The following PRIMA1 variants were observed in gnomAD, a reference collection of about 807,000 sequenced individuals.
PRIMA1 encodes proline-rich membrane anchor 1.
A neutral mutation model predicts 17.5 loss-of-function variants in PRIMA1; 7 were observed. That is an observed-to-expected ratio of 0.40 (90% confidence interval 0.23 to 0.75). PRIMA1 has a LOEUF of 0.75. Among genes scored for constraint, PRIMA1 ranks in the 30% least tolerant of loss-of-function variants. The probability of loss-of-function intolerance (pLI) is 0.37; values close to 1 mark genes in which losing one functional copy is unlikely to be tolerated. For synonymous variants in PRIMA1, 97 were observed against 77.9 expected (o/e 1.25, Z -1.29); for missense variants, 200 against 201.8 (o/e 0.99, Z 0.05).
intron 4 of PRIMA1, among the ~76,000 whole-genome samples, chr14:93,736,380 C>T (rs572104904): frequency 2.0e-5 from 3 of 152,328 alleles, no homozygotes; most frequent in Admixed American, 6.5e-5. Context: ...ACTAAGAGAA[C>T]GTTGGTGAGG....
At chr14:93,751,679 T>A (rs1017342297) in intron 3 of PRIMA1, among the ~76,000 whole-genome samples, 2 of 152,204 alleles carry the variant, frequency 1.3e-5, no homozygotes, top group African/African-American at 4.8e-5. Flanking sequence ...TAAGAATGAT[T>A]TGAGTCCAAG....
rs1455708995 is a variant in PRIMA1, at chr14:93,726,862, TAC to T, written c.360-5318_360-5317del. Among the ~76,000 whole-genome samples the T allele has an allele frequency of 6.6e-6, 1 of 152,056 alleles. No individual in the cohort carries two copies. The highest frequency in any genetic ancestry group is 1.5e-5 in the Non-Finnish European group (1 of 68,000). Reference sequence around the variant, plus strand: ...ATGTCCCTACACACATATGCACACATACACATATGTGCACATGCATGCACACA... The same window carrying T: ...ATGTCCCTACACACATATGCACACATACATATGTGCACATGCATGCACACA... On this transcript the variant is annotated intron_variant, in intron 4 of 4. Transcript: ENST00000393140. The surrounding 1 kb of genome is among the most constrained non-coding windows in gnomAD (Gnocchi z 4.2).
chr14:93,726,793 T>C lies in PRIMA1; in HGVS notation c.360-5247A>G, dbSNP rs746885901. ...TCCACACACACAAACAATATACACA[T>C]ACACACATGTACTTCAACACACACA... On this transcript the variant is annotated intron_variant, in intron 4 of 4. Coordinates refer to ENST00000393140, the MANE Select transcript of PRIMA1 (RefSeq NM_178013.4). The surrounding 1 kb of genome is among the most constrained non-coding windows in gnomAD (Gnocchi z 4.2). Among the ~76,000 whole-genome samples the C allele has an allele frequency of 2.0e-5, 3 of 151,822 alleles. No individual in the cohort carries two copies. The highest frequency in any genetic ancestry group is 4.4e-5 in the Non-Finnish European group (3 of 67,970).
At chr14:93,723,953 C>T (rs1217212305) in intron 4 of PRIMA1, among the ~76,000 whole-genome samples, 1 of 152,192 alleles carries the variant, frequency 6.6e-6, no homozygotes, top group Non-Finnish European at 1.5e-5. Flanking sequence ...GGCAACATCA[C>T]AGCTCACTGC....
At position 93,721,273 on chromosome 14, in the gene PRIMA1, C is replaced by T. The variant is rs1166180579; in HGVS notation, c.*171G>A. On this transcript the variant is annotated 3_prime_UTR_variant, in exon 5 of 5. Transcript: ENST00000393140. ...TGTCCGAGCTGCCTGGGCCCGCAGG[C>T]TGACCAGGGGCAAGCCTGGGAAGAC... 1 of 579,414 alleles carries T rather than the reference C, an allele frequency of 1.7e-6. No individual in the cohort carries two copies. The highest frequency in any genetic ancestry group is 1.9e-5 in the African/African-American group (1 of 53,220). The allele number at this position is 579,414 out of a possible 1,614,324, so 35.9% of individuals were successfully genotyped here. A position where few individuals can be genotyped will look rare whatever the true frequency, so the allele number is the denominator to read the frequency against.
At chr14:93,747,952 A>AGT (rs200404621) in intron 3 of PRIMA1, among the ~76,000 whole-genome samples, 15 of 133,238 alleles carry the variant, frequency 1.1e-4, no homozygotes, top group South Asian at 9.8e-4. Context: ...TGTGTGTATG[A>AGT]GTGTGTGTGT....
At chr14:93,722,728 ATGGT>A (rs1395284715) in intron 4 of PRIMA1, among the ~76,000 whole-genome samples, 6 of 1,106 alleles carry the variant, frequency 5.4e-3, no homozygotes. Context: ...AATGGTTGTG[ATGGT>A]TGGGTTAACA....
At position 93,721,983 on chromosome 14, in the gene PRIMA1, C is replaced by G. The variant is rs565122119; in HGVS notation, c.360-437G>C. On this transcript the variant is annotated intron_variant, in intron 4 of 4. Transcript: ENST00000393140. ...TCCTCAGTGTGGGCAAAGGCAAATTCAAAATGTGATGAAGCAGATGGTGCT... is the reference window on the plus strand; with the variant it reads ...TCCTCAGTGTGGGCAAAGGCAAATTGAAAATGTGATGAAGCAGATGGTGCT... Among the ~76,000 whole-genome samples, 275 of 152,302 alleles carry G rather than the reference C, an allele frequency of 1.8e-3. 1 individual carries two copies. Among genetic ancestry groups the G allele is most frequent in the African/African-American group, 6.4e-3 (265 of 41,558 alleles).
At chr14:93,740,128 A>G (rs2076176015) in intron 3 of PRIMA1, among the ~76,000 whole-genome samples, 2 of 152,204 alleles carry the variant, frequency 1.3e-5, no homozygotes, top group Non-Finnish European at 2.9e-5. Context: ...GATGGCTGAT[A>G]GGAGGATGCC....
rs900445441 is a variant in PRIMA1, at chr14:93,726,772, C to T, written c.360-5226G>A. Among the ~76,000 whole-genome samples, 1 of 151,906 alleles carries T rather than the reference C, an allele frequency of 6.6e-6. No individual in the cohort carries two copies. The highest frequency in any genetic ancestry group is 2.4e-5 in the African/African-American group (1 of 41,382). ...ACATACGCATAAATGTACAAATCCA[C>T]ACACACAAACAATATACACATACAC... On this transcript the variant is annotated intron_variant, in intron 4 of 4. Transcript: ENST00000393140. The surrounding 1 kb of genome is among the most constrained non-coding windows in gnomAD (Gnocchi z 4.2).
intron 4 of PRIMA1, among the ~76,000 whole-genome samples, chr14:93,727,451 C>G (rs906632928): frequency 8.5e-5 from 13 of 152,312 alleles, no homozygotes; most frequent in African/African-American, 3.1e-4. Flanking sequence ...GCTCAGGCCT[C>G]GGTGACTGTC....
At chr14:93,743,603 C>T (rs1380504432) in intron 3 of PRIMA1, among the ~76,000 whole-genome samples, 1 of 152,268 alleles carries the variant, frequency 6.6e-6, no homozygotes, top group African/African-American at 2.4e-5. Context: ...GGTGAATGTG[C>T]TTCCCAAGAC....
intron 4 of PRIMA1, among the ~76,000 whole-genome samples, chr14:93,735,964 C>T (rs1448339604): frequency 6.6e-6 from 1 of 152,222 alleles, no homozygotes; most frequent in Non-Finnish European, 1.5e-5. Flanking sequence ...GCCGGGATTA[C>T]AGGCGTGAGC....
chr14:93,733,222 C>T (rs1196632052), intron 4 of PRIMA1, among the ~76,000 whole-genome samples: 1 of 152,334 alleles, frequency 6.6e-6, no homozygotes, highest in African/African-American at 2.4e-5. Flanking sequence ...TTTAAGAAAC[C>T]TCCCACCCCA....
rs189925903 is a variant in PRIMA1 at position 93,740,687 on chromosome 14, A to C, written c.230-3317T>G. On this transcript the variant is annotated intron_variant, in intron 3 of 4. Coordinates refer to ENST00000393140, the MANE Select transcript of PRIMA1 (RefSeq NM_178013.4). ...TGTGTGGTCTCAGCCAGGGGCTGCC[A>C]CACCCCCTCCAGTAAGCACTTGGAA... 1.3e-3 allele frequency among the ~76,000 whole-genome samples: 203 copies of C among 152,260 alleles called. 2 individuals carry two copies. The highest frequency in any genetic ancestry group is 1.8e-4 in the Non-Finnish European group (12 of 68,020).
intron 3 of PRIMA1, among the ~76,000 whole-genome samples, chr14:93,777,019 TAAG>T (rs760232221): frequency 1.5e-4 from 23 of 152,218 alleles, no homozygotes; most frequent in Non-Finnish European, 2.8e-4. Context: ...TTTGTAAAGT[TAAG>T]GAGATTAATT....
chr14:93,726,563 TAC>T lies in PRIMA1; in HGVS notation c.360-5019_360-5018del, dbSNP rs753778906. On this transcript the variant is annotated intron_variant, in intron 4 of 4. Transcript: ENST00000393140. The surrounding 1 kb of genome is among the most constrained non-coding windows in gnomAD (Gnocchi z 4.2). ...ACATGTACACATGCACAAATCCACA[TAC>T]ACACACACTATACACATACACATGT... 1.1e-4 allele frequency among the ~76,000 whole-genome samples: 16 copies of T among 150,388 alleles called. No homozygotes were observed. In the South Asian group the frequency reaches 1.9e-3, roughly 18 times the overall value.
At position 93,755,001 on chromosome 14, in the gene PRIMA1, G is replaced by A. The variant is rs2076282189; in HGVS notation, c.230-17631C>T. 1.5e-4 allele frequency among the ~76,000 whole-genome samples: 23 copies of A among 152,328 alleles called. No individual in the cohort carries two copies. The South Asian group carries it at 4.8e-3, about 32-fold the overall frequency. On this transcript the variant is annotated intron_variant, in intron 3 of 4. Coordinates refer to ENST00000393140, the MANE Select transcript of PRIMA1 (RefSeq NM_178013.4). The stretch of plus-strand genomic sequence containing the variant: ...CTGGCTTGGCTCCTCACCAGGAAGT[G>A]AGGTGAGGTCTCGAAAGCTCTCTGG...
At chr14:93,770,981 T>C (rs982800852) in intron 3 of PRIMA1, among the ~76,000 whole-genome samples, 2 of 152,162 alleles carry the variant, frequency 1.3e-5, no homozygotes, top group Admixed American at 6.6e-5. Context: ...CAAGCATTGG[T>C]CAAGTCATTA....
Sources: gnomAD v4.1 joint callset for allele counts (sites outside exome capture counted in the v4.1 genomes callset) on GRCh38, gnomAD v4.1.1 for gene constraint, Gnocchi (gnomAD v3.1) non-coding constraint, MANE v1.5 for transcripts, NCBI Gene and HGNC (gene_info 2026-07-23, HGNC 2026-07-21) for gene names.